Variants in PIK3C2A observed in about 807,000 individuals in gnomAD.
PIK3C2A encodes phosphatidylinositol 4-phosphate 3-kinase C2 domain-containing subunit alpha.
A neutral mutation model predicts 204.5 loss-of-function variants in PIK3C2A; 97 were observed. The observed-to-expected ratio is 0.47, with a 90% CI of 0.40 to 0.56. The LOEUF is 0.56. PIK3C2A is among the 20% of genes least tolerant of loss of function. The pLI, the probability that PIK3C2A is intolerant of heterozygous loss-of-function variation, is 0.00. For synonymous variants in PIK3C2A, 653 were observed against 664.4 expected, an observed-to-expected ratio of 0.98 and a Z score of 0.26; for missense variants, 1,735 against 1,969.2, an observed-to-expected ratio of 0.88 and a Z score of 2.25.
In PIK3C2A at chr11:17,119,772, T is replaced by C. The variant is rs781514749; in HGVS notation, c.2846+14A>G. On this transcript the variant is annotated intron_variant, in intron 16 of 32. Coordinates refer to ENST00000691414, the MANE Select transcript of PIK3C2A (RefSeq NM_002645.4). The stretch of plus-strand genomic sequence containing the variant: ...TGACAATAAAACAAGAGCAAATAAA[T>C]GTATTTGACTTACTTTGAATCAAGA... 4.9e-5 allele frequency: 73 copies of C among 1,476,526 alleles called. No homozygotes were observed. The East Asian group carries it at 1.3e-3, about 26-fold the overall frequency. 91.5% of individuals were successfully genotyped at this position (1,476,526 alleles called of 1,614,324 possible). A position where few individuals can be genotyped will look rare whatever the true frequency, so the allele number is the denominator to read the frequency against.
intron 2 of PIK3C2A, among the ~76,000 whole-genome samples, chr11:17,162,227 C>T (rs1212428276): frequency 6.6e-6 from 1 of 151,634 alleles, no homozygotes; most frequent in Non-Finnish European, 1.5e-5. Flanking sequence ...ATCCCAGCTA[C>T]TCAGGAGGGA....
At chr11:17,177,626 C>T (rs954528918) in intron 1 of PIK3C2A, among the ~76,000 whole-genome samples, 7 of 152,078 alleles carry the variant, frequency 4.6e-5, no homozygotes, top group Non-Finnish European at 5.9e-5. Flanking sequence ...AACCCCAGTA[C>T]ATGACAAGAT....
rs1849712814 is a variant in PIK3C2A, at chr11:17,132,025, A to G, written c.2122T>C (p.Tyr708His). 6.6e-7 allele frequency: 1 copy of G among 1,517,752 alleles called. No individual in the cohort carries two copies. The allele number at this position is 1,517,752 out of a possible 1,614,324, so 94.0% of individuals were successfully genotyped here. A position where few individuals can be genotyped will look rare whatever the true frequency, so the allele number is the denominator to read the frequency against. Residue 708 changes from tyrosine to histidine, a missense_variant, in exon 12 of 33, where the codon TAC becomes CAC. Tyr to His is a moderately conservative substitution (Grantham distance 83). Around this residue, in one of 6 missense-constraint regions of PIK3C2A, gnomAD observed 567 missense variants for 576.0 expected, o/e 0.98. Coordinates refer to ENST00000691414, the MANE Select transcript of PIK3C2A (RefSeq NM_002645.4). Reference sequence around the variant, plus strand: ...TTGTGAGACAGTGAACATATCAAGTAGTATTTTTCATAACTGAGAAAAGAA... The same window carrying G: ...TTGTGAGACAGTGAACATATCAAGTGGTATTTTTCATAACTGAGAAAAGAA... ...SNWVSNYEKY[Y>H]LICSLSHNGK...
chr11:17,142,699 G>A (rs1194402544), intron 8 of PIK3C2A, among the ~76,000 whole-genome samples: 1 of 151,992 alleles, frequency 6.6e-6, no homozygotes, highest in African/African-American at 2.4e-5. Flanking sequence ...CAGCTTGGGT[G>A]ACAGAGTGAC....
At chr11:17,172,569 A>G (rs1252964747) in intron 1 of PIK3C2A, among the ~76,000 whole-genome samples, 1 of 152,230 alleles carries the variant, frequency 6.6e-6, no homozygotes, top group African/African-American at 2.4e-5. Context: ...GCAATAGATA[A>G]CTGATAAACT....
chr11:17,124,508 T>C (rs901230817), intron 13 of PIK3C2A, among the ~76,000 whole-genome samples: 2 of 151,398 alleles, frequency 1.3e-5, no homozygotes, highest in African/African-American at 4.9e-5. Context: ...CAGGCTGAAG[T>C]GCAGTGGCAC....
chr11:17,137,913 T>C (rs1430314622), intron 8 of PIK3C2A: 1 of 399,624 alleles, frequency 2.5e-6, no homozygotes, highest in Non-Finnish European at 4.7e-6. Flanking sequence ...CCCATCTGGG[T>C]TCCTGCCTTC....
In PIK3C2A at chr11:17,144,723, C is replaced by T. The variant is rs28544981; in HGVS notation, c.1704+945G>A. 5.9e-3 allele frequency among the ~76,000 whole-genome samples: 893 copies of T among 151,772 alleles called. 17 individuals carry two copies. The highest frequency in any genetic ancestry group is 0.02 in the African/African-American group (847 of 41,368). On this transcript the variant is annotated intron_variant, in intron 8 of 32. Coordinates refer to ENST00000691414, the MANE Select transcript of PIK3C2A (RefSeq NM_002645.4). Reference sequence around the variant, plus strand: ...CAGCCTGGCCAACATGGTGAAACCCCATCTCTACTAAAAAATATAAAAATT... The same window carrying T: ...CAGCCTGGCCAACATGGTGAAACCCTATCTCTACTAAAAAATATAAAAATT...
At chr11:17,099,806 C>T (rs1311266559) in intron 26 of PIK3C2A, 54 bp downstream of exon 26, 2 of 810,098 alleles carry the variant, frequency 2.5e-6, no homozygotes, top group Non-Finnish European at 4.2e-6. Context: ...TAAGGTAAAA[C>T]AAATCAAAGC....
intron 1 of PIK3C2A, among the ~76,000 whole-genome samples, chr11:17,204,146 T>G (rs187976682): frequency 4.7e-4 from 72 of 152,198 alleles, no homozygotes; most frequent in African/African-American, 1.7e-3. Flanking sequence ...CATGCATTAA[T>G]GCACCCAGCC....
chr11:17,128,468 A>C (rs1849594054), intron 13 of PIK3C2A, among the ~76,000 whole-genome samples: 1 of 152,060 alleles, frequency 6.6e-6, no homozygotes, highest in African/African-American at 2.4e-5. Flanking sequence ...CAAACTGCTG[A>C]CCTCAAGTGA....
At chr11:17,205,957 T>C (rs983650147) in intron 1 of PIK3C2A, among the ~76,000 whole-genome samples, 4 of 152,048 alleles carry the variant, frequency 2.6e-5, no homozygotes, top group East Asian at 1.9e-4. Context: ...CCAGTCTCTA[T>C]TGAAAAAACA....
At chr11:17,205,981 T>C (rs942236011) in intron 1 of PIK3C2A, among the ~76,000 whole-genome samples, 3 of 151,976 alleles carry the variant, frequency 2.0e-5, no homozygotes, top group Non-Finnish European at 4.4e-5. Context: ...AAATGAGCCA[T>C]GTGTGGTGGC....
chr11:17,119,297 C>G lies in PIK3C2A; in HGVS notation c.2863G>C (p.Val955Leu). 1 of 1,596,582 alleles carries G rather than the reference C, an allele frequency of 6.3e-7. No individual in the cohort carries two copies. Among genetic ancestry groups the G allele is most frequent in the Non-Finnish European group, 8.6e-7 (1 of 1,165,196 alleles). Reference sequence around the variant, plus strand: ...ATCCAGGTCACAGCTAGGGATCTTACTTCCTGATCAGCAAATCTAGAAGAT... The same window carrying G: ...ATCCAGGTCACAGCTAGGGATCTTAGTTCCTGATCAGCAAATCTAGAAGAT... ...LLDSKFADQE[V>L]RSLAVTWIEA... The change falls in exon 17 of 33, where the codon GTA becomes CTA. Residue 955 changes from valine (V) to leucine (L), a missense_variant. Val to Leu is a conservative substitution (Grantham distance 32). Coordinates refer to ENST00000691414, the MANE Select transcript of PIK3C2A (RefSeq NM_002645.4).
Position 17,150,559 on chromosome 11 carries a change from A to G in PIK3C2A, c.1266T>C (p.Ala422=), listed in dbSNP as rs1192882690. ...TAQRNICGEN[A]SVKVSIDIEG... is the part of the protein sequence containing the mutation. Reference sequence around the variant, plus strand: ...CAATGTCAATGGAGACCTTCACACTAGCATTTTCTCCGCATATGTTTCTTT... The same window carrying G: ...CAATGTCAATGGAGACCTTCACACTGGCATTTTCTCCGCATATGTTTCTTT... Residue 422 remains alanine (A), a synonymous_variant, in exon 4 of 33, where the codon GCT becomes GCC. Transcript: ENST00000691414. The G allele has an allele frequency of 4.3e-6, 7 of 1,611,780 alleles. No homozygotes were observed. The East Asian group carries it at 1.6e-4, about 36-fold the overall frequency.
At chr11:17,138,451 C>T (rs1565267784) in intron 8 of PIK3C2A, among the ~76,000 whole-genome samples, 1 of 152,008 alleles carries the variant, frequency 6.6e-6, no homozygotes, top group Non-Finnish European at 1.5e-5. Flanking sequence ...GGTTTCTTTG[C>T]CATAGGCAAC....
At chr11:17,170,803 TTTAA>T (rs762074896) in intron 1 of PIK3C2A, among the ~76,000 whole-genome samples, 4 of 152,010 alleles carry the variant, frequency 2.6e-5, no homozygotes, top group Non-Finnish European at 4.4e-5. Flanking sequence ...ATCACCTTAG[TTTAA>T]GAAGGTATAT....
chr11:17,171,363 C>T (rs1851153568), intron 1 of PIK3C2A, among the ~76,000 whole-genome samples: 1 of 152,110 alleles, frequency 6.6e-6, no homozygotes, highest in Non-Finnish European at 1.5e-5. Context: ...ATTCTATGGT[C>T]TTTCTTTCTA....
chr11:17,186,770 T>C (rs1475385117), intron 1 of PIK3C2A, among the ~76,000 whole-genome samples: 1 of 152,250 alleles, frequency 6.6e-6, no homozygotes, highest in Non-Finnish European at 1.5e-5. Flanking sequence ...TCATGTCTGC[T>C]TGGGGATAGA....
Sources: allele counts gnomAD v4.1 joint callset (sites outside exome capture counted in the v4.1 genomes callset), GRCh38; gene constraint gnomAD v4.1.1; regional missense constraint gnomAD v4.1.1; transcripts MANE v1.5; gene names NCBI Gene and HGNC (gene_info 2026-07-23, HGNC 2026-07-21).